Variants in GRIN2B observed in about 807,000 individuals in gnomAD.
GRIN2B encodes glutamate receptor ionotropic, NMDA 2B.
In GRIN2B, 5 loss-of-function variants were observed where a neutral mutation model predicts 114.5. The observed-to-expected ratio is 0.04, with a 90% CI of 0.02 to 0.09. The LOEUF (loss-of-function observed/expected upper bound fraction) is 0.09. Among genes scored for constraint, GRIN2B ranks in the 10% least tolerant of loss-of-function variants. The pLI is 1.00. For missense variants in GRIN2B, 1,108 were observed against 1,943.5 expected, an observed-to-expected ratio of 0.57 and a Z score of 8.08; for synonymous variants, 787 against 745.1, an observed-to-expected ratio of 1.06 and a Z score of -0.92.
intron 2 of GRIN2B, among the ~76,000 whole-genome samples, chr12:13,939,887 A>G (rs1867207186): frequency 6.6e-6 from 1 of 152,138 alleles, no homozygotes; most frequent in Admixed American, 6.5e-5. Context: ...CAAGAAACAT[A>G]TCCAGCCCAC....
Position 13,563,794 on chromosome 12 carries a change from G to A in GRIN2B, c.3444C>T (p.His1148=), listed in dbSNP as rs1467092221. 1 of 1,613,454 alleles carries A rather than the reference G, an allele frequency of 6.2e-7. No homozygotes were observed. The highest frequency in any genetic ancestry group is 1.3e-5 in the African/African-American group (1 of 74,732). ...CCTTGTAGATGTCGGTCAGGTCTAC[G>A]TGCTCCCAGTGGGGTGAGTTCTCCT... The part of the protein sequence containing the change: ...RTKENSPHWE[H]VDLTDIYKER... The change falls in exon 14 of 14, where the codon CAC becomes CAT. Residue 1148 remains histidine, a synonymous_variant. Coordinates refer to ENST00000609686, the MANE Select transcript of GRIN2B (RefSeq NM_000834.5).
intron 4 of GRIN2B, among the ~76,000 whole-genome samples, chr12:13,741,500 T>G (rs1863286128): frequency 6.6e-6 from 1 of 152,228 alleles, no homozygotes; most frequent in Non-Finnish European, 1.5e-5. Flanking sequence ...AAACACAAAG[T>G]AAGCAAAAGT....
intron 5 of GRIN2B, among the ~76,000 whole-genome samples, chr12:13,626,982 C>G (rs1007557447): frequency 6.6e-6 from 1 of 151,874 alleles, no homozygotes; most frequent in African/African-American, 2.4e-5. Context: ...GGTGGGGCAC[C>G]TGACTGGCTG....
chr12:13,957,901 G>C (rs971549850), intron 2 of GRIN2B, among the ~76,000 whole-genome samples: 1 of 152,146 alleles, frequency 6.6e-6, no homozygotes, highest in African/African-American at 2.4e-5. Context: ...CAAATATAAG[G>C]ACATAACGAA....
chr12:13,607,411 T>TATATATTATATATAATATATAAA (rs1565473852), intron 10 of GRIN2B, among the ~76,000 whole-genome samples: 2 of 79,278 alleles, frequency 2.5e-5, no homozygotes, highest in African/African-American at 1.1e-4. Context: ...ATATATAAAA[T>TATATATTATATATAATATATAAA]ATATAATATA....
intron 4 of GRIN2B, among the ~76,000 whole-genome samples, chr12:13,698,052 A>T (rs1230418084): frequency 1.3e-5 from 2 of 152,236 alleles, no homozygotes; most frequent in Admixed American, 1.3e-4. Flanking sequence ...ACCATTGCAC[A>T]GAACAGCACT....
At chr12:13,919,889 T>C (rs1866794500) in intron 2 of GRIN2B, among the ~76,000 whole-genome samples, 1 of 152,162 alleles carries the variant, frequency 6.6e-6, no homozygotes, top group African/African-American at 2.4e-5. Context: ...GCAACAACGA[T>C]GCAGATGAAC....
Position 13,564,596 on chromosome 12 carries a change from T to C in GRIN2B, c.2642A>G (p.Gln881Arg), listed in dbSNP as rs1948610653. Residue 881 changes from glutamine to arginine, a missense_variant, in exon 14 of 14, where the codon CAG (glutamine) becomes CGG (arginine). This residue lies in a region of GRIN2B where 27 missense variants were observed against 51.7 expected (regional missense o/e 0.52). Transcript: ENST00000609686. The surrounding 1 kb of genome is among the most constrained non-coding windows in gnomAD (Gnocchi z 4.8). ...CIHGVAIEER[Q>R]SVMNSPTATM... ...TGCGGTGGGGGAGTTCATTACAGAC[T>C]GGCGCTCCTCGATCGCCACCCCATG... 6.2e-7 allele frequency: 1 copy of C among 1,614,000 alleles called. No individual in the cohort carries two copies. The highest frequency in any genetic ancestry group is 8.5e-7 in the Non-Finnish European group (1 of 1,180,008).
At chr12:13,745,001 G>T (rs922965996) in intron 4 of GRIN2B, among the ~76,000 whole-genome samples, 1 of 152,100 alleles carries the variant, frequency 6.6e-6, no homozygotes, top group Non-Finnish European at 1.5e-5. Flanking sequence ...AGATCCTGGA[G>T]AATTTTCTCC....
At chr12:13,782,890 T>C (rs1864145197) in intron 3 of GRIN2B, among the ~76,000 whole-genome samples, 1 of 152,278 alleles carries the variant, frequency 6.6e-6, no homozygotes. Flanking sequence ...CCCACTAGCC[T>C]ATGCAGATGG....
Position 13,710,437 on chromosome 12 carries a change from T to G in GRIN2B, c.1011-34578A>C, listed in dbSNP as rs189695917. 6.3e-4 allele frequency among the ~76,000 whole-genome samples: 96 copies of G among 152,214 alleles called. 2 individuals carry two copies. The highest frequency in any genetic ancestry group is 2.2e-3 in the African/African-American group (92 of 41,544). On this transcript the variant is annotated intron_variant, in intron 4 of 13. Transcript: ENST00000609686. ...TCAATTAGGAAAAGAGGAAGTCAAA[T>G]TGTCCCTGTTTGCAGATGACACGAT...
chr12:13,857,332 C>T (rs542852036), intron 3 of GRIN2B, among the ~76,000 whole-genome samples: 4 of 151,976 alleles, frequency 2.6e-5, no homozygotes, highest in South Asian at 2.1e-4. Context: ...CTTAACATGC[C>T]GGTTCTCTAA....
chr12:13,863,807 T>A (rs959469603), intron 3 of GRIN2B, among the ~76,000 whole-genome samples: 13 of 152,100 alleles, frequency 8.5e-5, no homozygotes, highest in African/African-American at 3.1e-4. Flanking sequence ...CAGGGAGAAA[T>A]AATATAGGTT....
intron 5 of GRIN2B, among the ~76,000 whole-genome samples, chr12:13,659,964 TCAGGGCTGTATA>T (rs1348749549): frequency 6.6e-6 from 1 of 152,188 alleles, no homozygotes; most frequent in Non-Finnish European, 1.5e-5. Context: ...GTCCTGTGGC[TCAGGGCTGTATA>T]CAGGGCTGTA....
At chr12:13,859,690 T>C (rs552871150) in intron 3 of GRIN2B, among the ~76,000 whole-genome samples, 2 of 152,210 alleles carry the variant, frequency 1.3e-5, no homozygotes, top group African/African-American at 2.4e-5. Context: ...AGTCCCACTA[T>C]TGTTGTAGAT....
intron 4 of GRIN2B, among the ~76,000 whole-genome samples, chr12:13,740,312 G>A (rs138145946): frequency 5.3e-4 from 81 of 152,296 alleles, no homozygotes; most frequent in Non-Finnish European, 9.8e-4. Context: ...AAGACAATCA[G>A]ATGAATGCTA....
chr12:13,576,265 C>A (rs1004664327), intron 10 of GRIN2B, among the ~76,000 whole-genome samples: 1 of 152,126 alleles, frequency 6.6e-6, no homozygotes, highest in African/African-American at 2.4e-5. Flanking sequence ...TTCCAAATAT[C>A]CTGATGCTTC....
chr12:13,816,828 G>A (rs972262404), intron 3 of GRIN2B, among the ~76,000 whole-genome samples: 5 of 152,046 alleles, frequency 3.3e-5, no homozygotes, highest in African/African-American at 1.2e-4. Flanking sequence ...CTTTTATTGG[G>A]GAACGGGCTG....
chr12:13,571,993 A>C (rs1948714866), intron 10 of GRIN2B, 29 bp from the exon 11 acceptor site: 2 of 1,563,474 alleles, frequency 1.3e-6, no homozygotes, highest in African/African-American at 1.4e-5. Flanking sequence ...ATAGAGACAG[A>C]GCGGGAGATG....
Sources: gnomAD v4.1 joint callset for allele counts (sites outside exome capture counted in the v4.1 genomes callset) on GRCh38, gnomAD v4.1.1 for gene constraint, gnomAD v4.1.1 regional missense constraint, Gnocchi (gnomAD v3.1) non-coding constraint, MANE v1.5 for transcripts, NCBI Gene and HGNC (gene_info 2026-07-23, HGNC 2026-07-21) for gene names.